The following BAHCC1 variants were observed in gnomAD, a reference collection of about 807,000 sequenced individuals.
The protein encoded by BAHCC1 is BAH and coiled-coil domain-containing protein 1.
A neutral mutation model predicts 88.2 loss-of-function variants in BAHCC1; 43 were observed. The observed-to-expected ratio is 0.49, with a 90% CI of 0.38 to 0.63. BAHCC1 has a LOEUF of 0.63. Among genes scored for constraint, BAHCC1 ranks in the 20% least tolerant of loss-of-function variants. BAHCC1 has a pLI of 0.00. For synonymous variants in BAHCC1, 1,510 were observed against 745.5 expected (o/e 2.03, Z -16.71); for missense variants, 3,023 against 1,654.8 (o/e 1.83, Z -14.34).
intron 2 of BAHCC1, among the ~76,000 whole-genome samples, chr17:81,416,927 G>A (rs760247237): frequency 6.6e-6 from 1 of 152,176 alleles, no homozygotes; most frequent in African/African-American, 2.4e-5. Flanking sequence ...CGGCTCTGTC[G>A]GGGCTCATCC....
intron 14 of BAHCC1, among the ~76,000 whole-genome samples, chr17:81,453,770 C>T (rs1385272915): frequency 6.6e-6 from 1 of 152,246 alleles, no homozygotes; most frequent in Non-Finnish European, 1.5e-5. Flanking sequence ...GAGTCCAGGA[C>T]CCCTCTTCCC....
chr17:81,449,178 G>A (rs1042713189), intron 11 of BAHCC1, among the ~76,000 whole-genome samples: 13 of 152,136 alleles, frequency 8.5e-5, no homozygotes, highest in Admixed American at 1.3e-4. Context: ...CATGGATGTC[G>A]TCACACTCCG....
intron 2 of BAHCC1, chr17:81,415,362 G>A: frequency 3.1e-6 from 1 of 327,684 alleles, no homozygotes; most frequent in Non-Finnish European, 6.0e-6. Context: ...AGGGCAGGCT[G>A]GGCTTTTTGA....
At chr17:81,455,475 C>T (rs2064731691) in intron 15 of BAHCC1, 85 bp downstream of exon 15, 1 of 666,558 alleles carries the variant, frequency 1.5e-6, no homozygotes, top group Non-Finnish European at 2.7e-6. Context: ...TCTCCCCAGC[C>T]CTGTGCCGAA....
In BAHCC1 at chr17:81,399,128, A is replaced by AGTGTGT. The variant is rs375191474; in HGVS notation, c.-206-386_-206-381dup. ...GGGGAGGGGAGAGGGTGTGCGTGTG[A>AGTGTGT]GTGTGTGTGTGTGTGTGTGTGTGTG... On this transcript the variant is annotated intron_variant, in intron 1 of 27. Coordinates refer to ENST00000675386, the MANE Select transcript of BAHCC1 (RefSeq NM_001377448.1). The surrounding 1 kb of genome is among the most constrained non-coding windows in gnomAD (Gnocchi z 4.5). 19,440 of 231,016 alleles carry AGTGTGT rather than the reference A, an allele frequency of 0.084. 684 individuals are homozygous for AGTGTGT. Among genetic ancestry groups the AGTGTGT allele is most frequent in the Admixed American group, 0.12 (2,413 of 20,562 alleles). The allele number at this position is 231,016 out of a possible 1,614,324, so 14.3% of individuals were successfully genotyped here.
intron 2 of BAHCC1, chr17:81,413,215 C>A: frequency 3.5e-6 from 1 of 288,190 alleles, no homozygotes; most frequent in Non-Finnish European, 7.0e-6. Context: ...GCTGACCATG[C>A]CCCCCCCGGG....
chr17:81,454,886 C>T (rs1433010136), intron 14 of BAHCC1, among the ~76,000 whole-genome samples: 2 of 152,238 alleles, frequency 1.3e-5, no homozygotes, highest in African/African-American at 2.4e-5. Flanking sequence ...CCCCCGACAC[C>T]TGGCCTCTGG....
At chr17:81,403,487 AAAAAAAAG>A (rs2063841841) in intron 2 of BAHCC1, among the ~76,000 whole-genome samples, 1 of 152,018 alleles carries the variant, frequency 6.6e-6, no homozygotes, top group South Asian at 2.1e-4. Flanking sequence ...ATCTCAAAAA[AAAAAAAAG>A]AAAAAGAAAA....
intron 2 of BAHCC1, among the ~76,000 whole-genome samples, chr17:81,425,449 G>T (rs62648856): frequency 1.6e-4 from 13 of 80,806 alleles, no homozygotes; most frequent in South Asian, 7.6e-4. Context: ...ATGTGGTTGG[G>T]GGTGATAGTG....
At chr17:81,425,227 G>A (rs1263528328) in intron 2 of BAHCC1, among the ~76,000 whole-genome samples, 3 of 111,760 alleles carry the variant, frequency 2.7e-5, no homozygotes, top group African/African-American at 4.0e-5. Flanking sequence ...GTGGTTGGTG[G>A]TGATGTGGTT....
Position 81,399,736 on chromosome 17 carries a change from C to T in BAHCC1, c.-4C>T, listed in dbSNP as rs2063789124. 4 of 1,114,822 alleles carry T rather than the reference C, an allele frequency of 3.6e-6. No individual in the cohort carries two copies. Among genetic ancestry groups the T allele is most frequent in the Middle Eastern group, 3.8e-4 (1 of 2,616 alleles). The allele number at this position is 1,114,822 out of a possible 1,614,324, so 69.1% of individuals were successfully genotyped here. A position where few individuals can be genotyped will look rare whatever the true frequency, so the allele number is the denominator to read the frequency against. On this transcript the variant is annotated 5_prime_UTR_variant, in exon 2 of 28. Coordinates refer to ENST00000675386, the MANE Select transcript of BAHCC1 (RefSeq NM_001377448.1). This position sits in a 1 kb window ranked among gnomAD's most constrained non-coding sequence, Gnocchi z 4.5. ...GCGGCGGCGGACCGGGGCCGGGGCC[C>T]GGCATGGATGGCCGCGACTTTGCGC...
Position 81,459,480 on chromosome 17 carries a change from G to A in BAHCC1, c.5797-16G>A, listed in dbSNP as rs374526637. On this transcript the variant is annotated splice_polypyrimidine_tract_variant and intron_variant, in intron 22 of 27. Coordinates refer to ENST00000675386, the MANE Select transcript of BAHCC1 (RefSeq NM_001377448.1). ...AGGCCCCACCTGCTCATGGGTCGTCGCCCGCGTTCCTGCAGGTTCTCGATG... is the reference window on the plus strand; with the variant it reads ...AGGCCCCACCTGCTCATGGGTCGTCACCCGCGTTCCTGCAGGTTCTCGATG... 14 of 778,592 alleles carry A rather than the reference G, an allele frequency of 1.8e-5. No individual in the cohort carries two copies. The highest frequency in any genetic ancestry group is 3.1e-5 in the Non-Finnish European group (13 of 417,550). The allele number at this position is 778,592 out of a possible 1,614,324, so 48.2% of individuals were successfully genotyped here.
rs782440771 is a variant in BAHCC1, at chr17:81,445,033, C to G, written c.2690C>G (p.Ala897Gly). The G allele has an allele frequency of 1.3e-6, 1 of 764,310 alleles. No individual in the cohort carries two copies. Among genetic ancestry groups the G allele is most frequent in the Non-Finnish European group, 2.4e-6 (1 of 412,750 alleles). The allele number at this position is 764,310 out of a possible 1,614,324, so 47.3% of individuals were successfully genotyped here. ...CCCACAGCGGATGTCATGGACCAGG[C>G]GTCACTGTGGCCCCCCATGTACGGG... ...PHALADVMDQ[A>G]SLWPPMYGGR... Residue 897 changes from alanine (A) to glycine (G), a missense_variant, in exon 9 of 28, where the codon GCG becomes GGG. Transcript: ENST00000675386.
chr17:81,409,712 G>T (rs1372188704), intron 2 of BAHCC1, among the ~76,000 whole-genome samples: 2 of 152,182 alleles, frequency 1.3e-5, no homozygotes, highest in African/African-American at 4.8e-5. Flanking sequence ...TCGGGCCCAG[G>T]GAGAAGGCCG....
At position 81,457,401 on chromosome 17, in the gene BAHCC1, C is replaced by G. The variant is rs1555657564; in HGVS notation, c.4859-9C>G. ...TCAAGTCATCAGGACCCCTCTGCCT[C>G]TCTCCCAGGCAGTGGCTATGACAGT... On this transcript the variant is annotated splice_polypyrimidine_tract_variant and intron_variant, in intron 16 of 27. Transcript: ENST00000675386. The G allele has an allele frequency of 3.9e-6, 3 of 764,120 alleles. No individual in the cohort carries two copies. The highest frequency in any genetic ancestry group is 2.3e-4 in the Middle Eastern group (1 of 4,424). 47.3% of individuals were successfully genotyped at this position (764,120 alleles called of 1,614,324 possible). A position where few individuals can be genotyped will look rare whatever the true frequency, so the allele number is the denominator to read the frequency against.
At chr17:81,397,775 G>C (rs1200904605) in intron 1 of BAHCC1, among the ~76,000 whole-genome samples, 1 of 152,240 alleles carries the variant, frequency 6.6e-6, no homozygotes, top group Non-Finnish European at 1.5e-5. Context: ...CGGGGAGAGA[G>C]CTGGCGATCC....
Position 81,455,146 on chromosome 17 carries a change from G to A in BAHCC1, c.4446-121G>A, listed in dbSNP as rs1454437769. 19 of 631,760 alleles carry A rather than the reference G, an allele frequency of 3.0e-5. 1 individual carries two copies. Among genetic ancestry groups the A allele is most frequent in the Admixed American group, 1.8e-4 (8 of 43,902 alleles). 39.1% of individuals were successfully genotyped at this position (631,760 alleles called of 1,614,324 possible). Reference sequence around the variant, plus strand: ...CCCTCACCCCCTGCTCTGTCTGCCCGAGACGTGGGGCCCTTGGAGGAGGGT... The same window carrying A: ...CCCTCACCCCCTGCTCTGTCTGCCCAAGACGTGGGGCCCTTGGAGGAGGGT... On this transcript the variant is annotated intron_variant, in intron 14 of 27. Coordinates refer to ENST00000675386, the MANE Select transcript of BAHCC1 (RefSeq NM_001377448.1).
chr17:81,453,005 G>A (rs781913472), intron 14 of BAHCC1, among the ~76,000 whole-genome samples, 154 bp downstream of exon 14: 29 of 152,188 alleles, frequency 1.9e-4, no homozygotes, highest in Non-Finnish European at 2.8e-4. Flanking sequence ...CTAGACCATC[G>A]AGAGTGACCA....
At chr17:81,421,126 T>C (rs1397639924) in intron 2 of BAHCC1, among the ~76,000 whole-genome samples, 1 of 152,252 alleles carries the variant, frequency 6.6e-6, no homozygotes, top group Non-Finnish European at 1.5e-5. Context: ...GCACTTGGTC[T>C]GAGGAGGTCT....
Sources: allele counts gnomAD v4.1 joint callset (sites outside exome capture counted in the v4.1 genomes callset), GRCh38; gene constraint gnomAD v4.1.1; non-coding constraint Gnocchi (gnomAD v3.1); transcripts MANE v1.5; gene names NCBI Gene and HGNC (gene_info 2026-07-23, HGNC 2026-07-21).